ZMYND8: variants seen among roughly 807,000 people sequenced by gnomAD.
The protein encoded by ZMYND8 is MYND-type zinc finger-containing chromatin reader ZMYND8.
ZMYND8 carries 37 observed loss-of-function variants against 140.8 expected under a neutral mutation model. The ratio of observed to expected loss-of-function variants is 0.26; its 90% confidence interval spans 0.20 to 0.35. The LOEUF is 0.35. Ranked by LOEUF, ZMYND8 falls within the 10% of genes least tolerant of loss-of-function variation. The probability of loss-of-function intolerance (pLI) is 1.00; values close to 1 mark genes in which losing one functional copy is unlikely to be tolerated. For missense variants in ZMYND8, 1,068 were observed against 1,570.0 expected (o/e 0.68, Z 5.40); for synonymous variants, 592 against 597.1 (o/e 0.99, Z 0.12).
At chr20:47,309,720 A>G (rs2078771767) in intron 3 of ZMYND8, among the ~76,000 whole-genome samples, 1 of 151,834 alleles carries the variant, frequency 6.6e-6, no homozygotes, top group African/African-American at 2.4e-5. Flanking sequence ...ATGGCCCAGG[A>G]GGGGAAAACT....
intron 2 of ZMYND8, among the ~76,000 whole-genome samples, chr20:47,313,501 A>C (rs1041709727): frequency 1.3e-5 from 2 of 152,106 alleles, no homozygotes; most frequent in African/African-American, 2.4e-5. Context: ...GGGCGCCTGT[A>C]GTCCCAGCTA....
At chr20:47,228,070 G>A (rs2037945357) in intron 17 of ZMYND8, among the ~76,000 whole-genome samples, 1 of 150,000 alleles carries the variant, frequency 6.7e-6, no homozygotes, top group African/African-American at 2.5e-5. Flanking sequence ...TGCAACCTGG[G>A]TGACAGAGCG....
chr20:47,333,753 A>C (rs1249086908), intron 2 of ZMYND8, among the ~76,000 whole-genome samples: 6 of 140,392 alleles, frequency 4.3e-5, no homozygotes, highest in Non-Finnish European at 6.1e-5. Flanking sequence ...AAAAAAAAAA[A>C]AAACATTAGC....
chr20:47,240,729 T>A (rs1276242395), intron 14 of ZMYND8, among the ~76,000 whole-genome samples: 4 of 151,040 alleles, frequency 2.6e-5, no homozygotes. Context: ...TAATTTTTTT[T>A]ATTTTCAGCA....
rs756894751 is a variant in ZMYND8, at chr20:47,282,091, T to C, written c.998+11A>G. ...AAAGCTACATGTTCCAAGCCTGTTA[T>C]TAACTCCCACCTGTCATGTTGTCCA... On this transcript the variant is annotated intron_variant, in intron 10 of 22. Transcript: ENST00000471951. The C allele has an allele frequency of 3.7e-6, 6 of 1,608,922 alleles. No homozygotes were observed. In the South Asian group the frequency reaches 6.6e-5, roughly 18 times the overall value.
In ZMYND8 at chr20:47,276,374, C is replaced by A; in HGVS notation, c.1420G>T (p.Ala474Ser). 6.2e-7 allele frequency: 1 copy of A among 1,604,726 alleles called. No homozygotes were observed. Residue 474 changes from alanine (A) to serine (S), a missense_variant, in exon 11 of 23, where the codon GCC becomes TCC. By Grantham distance (99) the Ala-to-Ser change is moderately conservative. Around this residue, in one of 10 missense-constraint regions of ZMYND8, gnomAD observed 173 missense variants for 223.3 expected, o/e 0.77. Transcript: ENST00000471951. Reference protein sequence around the residue: ...SDVEQDAEKKATSSHFSASEE... With the variant: ...SDVEQDAEKKSTSSHFSASEE... ...CTCGCACTGAAGTGGCTCGACGTGG[C>A]CTTCTTCTCAGCATCCTGCTCCACG...
At chr20:47,343,954 A>C (rs1197776461) in intron 2 of ZMYND8, among the ~76,000 whole-genome samples, 1 of 147,904 alleles carries the variant, frequency 6.8e-6, no homozygotes, top group Non-Finnish European at 1.5e-5. Context: ...AACAGTGATA[A>C]ATCTTTTTTT....
At chr20:47,337,331 G>A (rs894297576) in intron 2 of ZMYND8, among the ~76,000 whole-genome samples, 6 of 151,726 alleles carry the variant, frequency 4.0e-5, no homozygotes, top group Admixed American at 3.9e-4. Context: ...GGTGATGGAG[G>A]GAGACTCTGT....
Position 47,210,683 on chromosome 20 carries a change from T to G in ZMYND8, c.*78A>C. On this transcript the variant is annotated 3_prime_UTR_variant, in exon 23 of 23. Coordinates refer to ENST00000471951, the MANE Select transcript of ZMYND8 (RefSeq NM_001281775.3). ...TCAAGTCTGAAAGTGGCTGTTCTCC[T>G]GCCTTTGTTGTTTCTTCTTTTCCTG... is the stretch of plus-strand genomic sequence containing the variant. The G allele has an allele frequency of 6.2e-7, 1 of 1,612,160 alleles. No individual in the cohort carries two copies. Among genetic ancestry groups the G allele is most frequent in the Non-Finnish European group, 8.5e-7 (1 of 1,178,604 alleles).
intron 18 of ZMYND8, among the ~76,000 whole-genome samples, chr20:47,225,955 A>C (rs2037655036): frequency 6.6e-6 from 1 of 151,974 alleles, no homozygotes; most frequent in Admixed American, 6.6e-5. Context: ...GTTTGAGACT[A>C]GCCTGGCCAA....
intron 22 of ZMYND8, among the ~76,000 whole-genome samples, chr20:47,211,171 G>A (rs562757596): frequency 3.3e-5 from 5 of 152,204 alleles, no homozygotes; most frequent in Non-Finnish European, 7.3e-5. Context: ...GTGCTGAACT[G>A]CCAAGGAAGG....
At chr20:47,305,700 C>T (rs1366395191) in intron 3 of ZMYND8, among the ~76,000 whole-genome samples, 1 of 152,128 alleles carries the variant, frequency 6.6e-6, no homozygotes, top group Non-Finnish European at 1.5e-5. Context: ...AAGAGGGGCC[C>T]CATCATTTCT....
At chr20:47,326,820 C>T (rs1023469128) in intron 2 of ZMYND8, among the ~76,000 whole-genome samples, 4 of 152,176 alleles carry the variant, frequency 2.6e-5, no homozygotes, top group African/African-American at 9.7e-5. Flanking sequence ...CTAGTTCCCT[C>T]GAGCTTCTCA....
At chr20:47,273,337 G>A (rs1478530844) in intron 11 of ZMYND8, among the ~76,000 whole-genome samples, 3 of 152,152 alleles carry the variant, frequency 2.0e-5, no homozygotes. Flanking sequence ...CCTGAGGTCA[G>A]GAGTTTCAGA....
intron 21 of ZMYND8, among the ~76,000 whole-genome samples, chr20:47,215,692 TCTAA>T (rs759594164): frequency 6.6e-6 from 1 of 152,048 alleles, no homozygotes; most frequent in African/African-American, 2.4e-5. Context: ...TGAAGAGACA[TCTAA>T]CTAACTGGGT....
chr20:47,285,903 G>A, intron 8 of ZMYND8: 1 of 926,228 alleles, frequency 1.1e-6, no homozygotes, highest in Non-Finnish European at 1.3e-6. Context: ...TAAATATACA[G>A]ACATAAGCCG....
chr20:47,324,468 G>A lies in ZMYND8; in HGVS notation c.86-14264C>T, dbSNP rs990637967. Among the ~76,000 whole-genome samples the A allele has an allele frequency of 7.2e-5, 11 of 152,036 alleles. 1 individual carries two copies. In the East Asian group the frequency reaches 1.3e-3, roughly 19 times the overall value. On this transcript the variant is annotated intron_variant, in intron 2 of 22. Transcript: ENST00000471951. ...TGGGAGGCGGAGGCTGTAGTGAGCCGAGATCGAGCCACTGCACTCCAGCCT... is the reference window on the plus strand; with the variant it reads ...TGGGAGGCGGAGGCTGTAGTGAGCCAAGATCGAGCCACTGCACTCCAGCCT...
chr20:47,276,351 C>A lies in ZMYND8; in HGVS notation c.1443G>T (p.Ala481=), dbSNP rs764861020. 3 of 1,592,950 alleles carry A rather than the reference C, an allele frequency of 1.9e-6. No individual in the cohort carries two copies. Among genetic ancestry groups the A allele is most frequent in the South Asian group, 1.1e-5 (1 of 89,340 alleles). ...CCAGGAAGTCCATGGACTCCTCGCT[C>A]GCACTGAAGTGGCTCGACGTGGCCT... ...EKKATSSHFS[A]SEESMDFLDK... is the part of the protein sequence containing the mutation. Residue 481 remains alanine, a synonymous_variant, in exon 11 of 23, where the codon GCG becomes GCT. Coordinates refer to ENST00000471951, the MANE Select transcript of ZMYND8 (RefSeq NM_001281775.3).
At chr20:47,280,350 C>G (rs1422580782) in intron 10 of ZMYND8, among the ~76,000 whole-genome samples, 2 of 152,114 alleles carry the variant, frequency 1.3e-5, no homozygotes, top group African/African-American at 4.8e-5. Flanking sequence ...ATGCTGCTTT[C>G]TTTTTCACAA....
Sources: gnomAD v4.1 joint callset for allele counts (sites outside exome capture counted in the v4.1 genomes callset) on GRCh38, gnomAD v4.1.1 for gene constraint, gnomAD v4.1.1 regional missense constraint, MANE v1.5 for transcripts, NCBI Gene and HGNC (gene_info 2026-07-23, HGNC 2026-07-21) for gene names.